Variants in EPB41L4B observed in about 807,000 individuals in gnomAD.
EPB41L4B encodes the protein band 4.1-like protein 4B.
EPB41L4B carries 30 observed loss-of-function variants against 112.5 expected under a neutral mutation model. The ratio of observed to expected loss-of-function variants is 0.27; its 90% CI spans 0.20 to 0.36. EPB41L4B has a LOEUF of 0.36. Among genes scored for constraint, EPB41L4B ranks in the 10% least tolerant of loss-of-function variants. EPB41L4B has a pLI of 1.00. For missense variants in EPB41L4B, 1,024 were observed against 1,133.3 expected, an observed-to-expected ratio of 0.90 and a Z score of 1.38; for synonymous variants, 408 against 439.7, an observed-to-expected ratio of 0.93 and a Z score of 0.90.
At position 109,194,324 on chromosome 9, in the gene EPB41L4B, T is replaced by C. The variant is rs1281664472; in HGVS notation, c.2119A>G (p.Thr707Ala). The part of the protein sequence containing the change: ...VTTSTTTNTT[T>A]AATQVSVPLP... ...GGCACGGAGACTTGTGTGGCGGCCG[T>C]TGTGGTGTTTGTGGTTGTAGATGTG... The change falls in exon 21 of 26, where the codon ACG becomes GCG. Residue 707 changes from threonine to alanine, a missense_variant. Physicochemically the swap from Thr to Ala is moderately conservative, Grantham distance 58. Coordinates refer to ENST00000374566, the MANE Select transcript of EPB41L4B (RefSeq NM_019114.5). 1.2e-6 allele frequency: 2 copies of C among 1,614,068 alleles called. No individual in the cohort carries two copies. Among genetic ancestry groups the C allele is most frequent in the Non-Finnish European group, 1.7e-6 (2 of 1,179,996 alleles).
At chr9:109,203,594 C>G in intron 19 of EPB41L4B, 69 bp downstream of exon 19, 1 of 1,261,232 alleles carries the variant, frequency 7.9e-7, no homozygotes, top group East Asian at 2.3e-5. Flanking sequence ...CCCTCGTGAG[C>G]AATGTTTCAA....
intron 19 of EPB41L4B, among the ~76,000 whole-genome samples, chr9:109,201,534 C>T (rs1490647906): frequency 6.6e-6 from 1 of 151,378 alleles, no homozygotes; most frequent in Admixed American, 6.6e-5. Flanking sequence ...GCATTCTATA[C>T]TCATGGTTTC....
At chr9:109,184,673 G>A (rs2118633554) in intron 23 of EPB41L4B, among the ~76,000 whole-genome samples, 1 of 152,332 alleles carries the variant, frequency 6.6e-6, no homozygotes, top group Non-Finnish European at 1.5e-5. Context: ...TCTTCTGATG[G>A]CACTATCTGT....
At chr9:109,273,643 T>A (rs946220952) in intron 2 of EPB41L4B, among the ~76,000 whole-genome samples, 1 of 152,166 alleles carries the variant, frequency 6.6e-6, no homozygotes, top group Non-Finnish European at 1.5e-5. Context: ...ACTCACCTCA[T>A]GTGTGGCCAC....
chr9:109,276,002 G>T (rs1835800517), intron 2 of EPB41L4B, among the ~76,000 whole-genome samples: 1 of 150,510 alleles, frequency 6.6e-6, no homozygotes, highest in East Asian at 1.9e-4. Context: ...AGAGGAGGAG[G>T]TCCTAAGTCT....
intron 18 of EPB41L4B, among the ~76,000 whole-genome samples, chr9:109,206,673 T>C (rs1268519458): frequency 2.6e-5 from 4 of 152,180 alleles, no homozygotes; most frequent in Admixed American, 2.6e-4. Context: ...GAAAGAGTCA[T>C]GGTCCACCAG....
chr9:109,240,300 A>G, intron 15 of EPB41L4B: 1 of 985,456 alleles, frequency 1.0e-6, no homozygotes, highest in Non-Finnish European at 1.2e-6. Flanking sequence ...ACACCTGTAA[A>G]CAAATGCCTT....
intron 15 of EPB41L4B, among the ~76,000 whole-genome samples, chr9:109,223,604 A>G (rs1833666235): frequency 6.6e-6 from 1 of 152,196 alleles, no homozygotes; most frequent in African/African-American, 2.4e-5. Flanking sequence ...TCTGAGTGAC[A>G]TGGGCTTTTC....
chr9:109,212,196 A>G (rs1207008488), intron 17 of EPB41L4B, among the ~76,000 whole-genome samples: 1 of 152,182 alleles, frequency 6.6e-6, no homozygotes, highest in Non-Finnish European at 1.5e-5. Context: ...TCTGTGCTAC[A>G]CTATATGCTG....
intron 17 of EPB41L4B, among the ~76,000 whole-genome samples, chr9:109,212,551 G>A (rs915198943): frequency 3.3e-5 from 5 of 152,158 alleles, no homozygotes; most frequent in African/African-American, 4.8e-5. Flanking sequence ...ACTTTAGGCC[G>A]CCCTGCTGAG....
intron 2 of EPB41L4B, among the ~76,000 whole-genome samples, chr9:109,272,477 G>A (rs1206998063): frequency 6.6e-6 from 1 of 152,004 alleles, no homozygotes; most frequent in Non-Finnish European, 1.5e-5. Flanking sequence ...AATAGGCCAG[G>A]CGTGGTGGCT....
In EPB41L4B at chr9:109,213,695, G is replaced by C. The variant is rs749120968; in HGVS notation, c.1752+5C>G. ...TGGTCATGGCAGAGCCCCGGCCCTTGGCACCTTGTTTATGTTGATGTGCAG... is the reference window on the plus strand; with the variant it reads ...TGGTCATGGCAGAGCCCCGGCCCTTCGCACCTTGTTTATGTTGATGTGCAG... On this transcript the variant is annotated splice_donor_5th_base_variant and intron_variant, in intron 17 of 25. Transcript: ENST00000374566. 6.2e-7 allele frequency: 1 copy of C among 1,611,776 alleles called. No homozygotes were observed. The highest frequency in any genetic ancestry group is 1.3e-5 in the African/African-American group (1 of 74,892).
At chr9:109,210,101 T>C (rs945745557) in intron 17 of EPB41L4B, among the ~76,000 whole-genome samples, 3 of 151,934 alleles carry the variant, frequency 2.0e-5, no homozygotes, top group Admixed American at 6.6e-5. Context: ...AAAAAGAGCA[T>C]TGGATGTGAG....
In EPB41L4B at chr9:109,251,522, A is replaced by G; in HGVS notation, c.1280-11T>C. The G allele has an allele frequency of 6.2e-7, 1 of 1,613,740 alleles. No homozygotes were observed. Among genetic ancestry groups the G allele is most frequent in the East Asian group, 2.2e-5 (1 of 44,884 alleles). Reference sequence around the variant, plus strand: ...TCACTGGGTTGCTTGCTATAAAGGAAAAACAGAAAGTTATGACATCTTAGA... The same window carrying G: ...TCACTGGGTTGCTTGCTATAAAGGAGAAACAGAAAGTTATGACATCTTAGA... On this transcript the variant is annotated splice_polypyrimidine_tract_variant and intron_variant, in intron 12 of 25. Coordinates refer to ENST00000374566, the MANE Select transcript of EPB41L4B (RefSeq NM_019114.5).
intron 15 of EPB41L4B, among the ~76,000 whole-genome samples, chr9:109,232,410 TA>T (rs1564282633): frequency 6.6e-6 from 1 of 152,152 alleles, no homozygotes. Flanking sequence ...ACCACTTGTT[TA>T]AATACATCCT....
rs375327995 is a variant in EPB41L4B at position 109,253,462 on chromosome 9, G to A, written c.1258C>T (p.Arg420Trp). The change falls in exon 12 of 26, where the codon CGG becomes TGG. Residue 420 changes from arginine (R) to tryptophan (W), a missense_variant. Transcript: ENST00000374566. ...ERKPSKRYPS[R>W]RHSTFKASNP... ...CAACCTTTGAACGTTGAATGTCTCC[G>A]GGATGGATAACGTTTACTAGGCTTC... 2.0e-5 allele frequency: 33 copies of A among 1,612,644 alleles called. No individual in the cohort carries two copies. Among genetic ancestry groups the A allele is most frequent in the Non-Finnish European group, 2.8e-5 (33 of 1,178,792 alleles).
intron 16 of EPB41L4B, among the ~76,000 whole-genome samples, chr9:109,215,618 G>C (rs1002381568): frequency 6.6e-6 from 1 of 152,144 alleles, no homozygotes; most frequent in Admixed American, 6.5e-5. Context: ...CTCCTGAGTA[G>C]CTGAGATTAT....
chr9:109,319,464 C>CA (rs1462966103), intron 1 of EPB41L4B, among the ~76,000 whole-genome samples: 2 of 152,214 alleles, frequency 1.3e-5, no homozygotes, highest in African/African-American at 4.8e-5. Flanking sequence ...GCAAGGCAGG[C>CA]AGGTCTGAGA....
rs573493680 is a variant in EPB41L4B, at chr9:109,181,083, A to G, written c.2487+1646T>C. ...CTGGAATCCAGTGGTGCAGTCATAG[A>G]TCACTGCAGCGTCAGCCTCCTGGGC... On this transcript the variant is annotated intron_variant, in intron 24 of 25. Transcript: ENST00000374566. Among the ~76,000 whole-genome samples the G allele has an allele frequency of 1.4e-4, 21 of 152,286 alleles. 1 individual carries two copies. Among genetic ancestry groups the G allele is most frequent in the Admixed American group, 1.4e-3 (21 of 15,300 alleles).
Sources: allele counts gnomAD v4.1 joint callset (sites outside exome capture counted in the v4.1 genomes callset), GRCh38; gene constraint gnomAD v4.1.1; transcripts MANE v1.5; gene names NCBI Gene and HGNC (gene_info 2026-07-23, HGNC 2026-07-21).